The following CCDC192 variants were observed in gnomAD, a reference collection of about 807,000 sequenced individuals.
CCDC192 encodes coiled-coil domain-containing protein 192.
intron 6 of CCDC192, among the ~76,000 whole-genome samples, chr5:127,878,976 T>G (rs1158416668): frequency 1.3e-5 from 2 of 148,762 alleles, no homozygotes; most frequent in East Asian, 3.9e-4. Flanking sequence ...CAATTGTGAA[T>G]GGGAGTTCAC....
intron 2 of CCDC192, among the ~76,000 whole-genome samples, chr5:127,716,777 A>C (rs1402733489): frequency 6.6e-6 from 1 of 152,174 alleles, no homozygotes; most frequent in Admixed American, 6.5e-5. Context: ...CAGGGCCATA[A>C]GATGTGACCT....
chr5:127,702,413 A>G (rs1430102957), upstream of CCDC192, among the ~76,000 whole-genome samples: 1 of 152,250 alleles, frequency 6.6e-6, no homozygotes, highest in African/African-American at 2.4e-5. Flanking sequence ...CCAGAACAAC[A>G]ACCGCTCAAT....
chr5:127,882,307 T>C (rs748708042), intron 6 of CCDC192, among the ~76,000 whole-genome samples: 2 of 152,212 alleles, frequency 1.3e-5, no homozygotes, highest in Non-Finnish European at 2.9e-5. Context: ...TCCGGAAATA[T>C]ATTTCTTTGC....
At chr5:127,900,722 A>G (rs895331235) in intron 6 of CCDC192, among the ~76,000 whole-genome samples, 3 of 152,210 alleles carry the variant, frequency 2.0e-5, no homozygotes, top group Non-Finnish European at 2.9e-5. Context: ...TTCCTGAGCC[A>G]TGACCTCATG....
intron 5 of CCDC192, among the ~76,000 whole-genome samples, chr5:127,853,087 C>A (rs1268017465): frequency 6.6e-6 from 1 of 151,456 alleles, no homozygotes; most frequent in African/African-American, 2.4e-5. Flanking sequence ...AAGACTGTCT[C>A]AGAAAAAAAA....
Position 127,792,533 on chromosome 5 carries a change from T to TAC in CCDC192, c.223-4569_223-4568insCA, listed in dbSNP as rs1208655514. 4.0e-5 allele frequency among the ~76,000 whole-genome samples: 6 copies of TAC among 149,582 alleles called. No homozygotes were observed. In the East Asian group the frequency reaches 9.8e-4, roughly 24 times the overall value. ...AAACCATATCACCATCTCATATATA[T>TAC]ATATATATATATATGTATAAAAATT... On this transcript the variant is annotated intron_variant, in intron 3 of 6. Transcript: ENST00000514853.
At chr5:127,923,870 T>G (rs1753799895) in intron 6 of CCDC192, among the ~76,000 whole-genome samples, 1 of 152,206 alleles carries the variant, frequency 6.6e-6, no homozygotes, top group Non-Finnish European at 1.5e-5. Flanking sequence ...CAATGCCTTA[T>G]GAAGAATGCA....
intron 3 of CCDC192, among the ~76,000 whole-genome samples, chr5:127,757,626 G>A (rs2126881318): frequency 6.6e-6 from 1 of 152,020 alleles, no homozygotes; most frequent in East Asian, 2.0e-4. Context: ...TATTTCCTAA[G>A]AATGTTCTTG....
chr5:127,930,170 C>T (rs1580838546), intron 6 of CCDC192, among the ~76,000 whole-genome samples: 1 of 152,172 alleles, frequency 6.6e-6, no homozygotes, highest in Admixed American at 6.5e-5. Context: ...GCCACTTGCA[C>T]TTCAGCCTGG....
chr5:127,735,381 T>C lies in CCDC192; in HGVS notation c.115-18887T>C, dbSNP rs1752913488. ...TAGTGTGATGCCTCCAGCTTTGTTC[T>C]TTTGGCTTAGGATTGTCTTGGAAAT... On this transcript the variant is annotated intron_variant, in intron 2 of 6. Coordinates refer to ENST00000514853, the MANE Select transcript of CCDC192 (RefSeq NM_001317938.2). Among the ~76,000 whole-genome samples, 3 of 148,984 alleles carry C rather than the reference T, an allele frequency of 2.0e-5. 1 individual carries two copies. Among genetic ancestry groups the C allele is most frequent in the Admixed American group, 6.7e-5 (1 of 15,026 alleles).
chr5:127,709,145 AAAG>A (rs1293644489), intron 2 of CCDC192, among the ~76,000 whole-genome samples: 1 of 98,660 alleles, frequency 1.0e-5, no homozygotes, highest in African/African-American at 3.5e-5. Context: ...GGGAGGAGAG[AAAG>A]AAGAGAGAGA....
intron 6 of CCDC192, among the ~76,000 whole-genome samples, chr5:127,887,119 G>C (rs1211363575): frequency 6.6e-6 from 1 of 152,028 alleles, no homozygotes; most frequent in Non-Finnish European, 1.5e-5. Context: ...CTTGAGGTAG[G>C]GAGTTTGAGA....
chr5:127,884,807 T>G (rs11744423), intron 6 of CCDC192, among the ~76,000 whole-genome samples: 7,856 of 152,252 alleles, frequency 0.052, 545 homozygotes, highest in African/African-American at 0.16. Context: ...TGTTTTATCT[T>G]GTCAGGAAAG....
intron 6 of CCDC192, among the ~76,000 whole-genome samples, chr5:127,907,745 T>G (rs1365980434): frequency 6.6e-6 from 1 of 152,232 alleles, no homozygotes; most frequent in Non-Finnish European, 1.5e-5. Flanking sequence ...TAACAAGATT[T>G]ATTATTTATC....
intron 6 of CCDC192, among the ~76,000 whole-genome samples, chr5:127,876,063 A>ATTTT (rs55862955): frequency 0.02 from 2,556 of 128,698 alleles, 41 homozygotes; most frequent in African/African-American, 0.055. Context: ...AGAGAACAGA[A>ATTTT]TTTTTTTTTT....
intron 6 of CCDC192, among the ~76,000 whole-genome samples, chr5:127,882,069 G>A (rs1202562028): frequency 6.6e-6 from 1 of 152,114 alleles, no homozygotes; most frequent in Non-Finnish European, 1.5e-5. Flanking sequence ...TTACCTCTTT[G>A]TTTTACTCCC....
At chr5:127,898,504 A>T (rs937378953) in intron 6 of CCDC192, among the ~76,000 whole-genome samples, 6 of 152,164 alleles carry the variant, frequency 3.9e-5, no homozygotes, top group African/African-American at 1.4e-4. Context: ...AGTAATTTTT[A>T]AATAGGAAAA....
chr5:127,749,473 A>T (rs1297974751), intron 2 of CCDC192, among the ~76,000 whole-genome samples: 1 of 151,834 alleles, frequency 6.6e-6, no homozygotes, highest in African/African-American at 2.4e-5. Context: ...CCACTTGATC[A>T]TGGTGGATAA....
At chr5:127,877,827 C>T (rs1209510570) in intron 6 of CCDC192, among the ~76,000 whole-genome samples, 2 of 152,172 alleles carry the variant, frequency 1.3e-5, no homozygotes, top group African/African-American at 4.8e-5. Flanking sequence ...ACCACCACTC[C>T]CCTGATTATC....
Sources: gnomAD v4.1 joint callset for allele counts (sites outside exome capture counted in the v4.1 genomes callset) on GRCh38, gnomAD v4.1.1 for gene constraint, MANE v1.5 for transcripts, NCBI Gene and HGNC (gene_info 2026-07-23, HGNC 2026-07-21) for gene names.